The following RREB1 variants were observed in gnomAD, a reference collection of about 807,000 sequenced individuals.
RREB1 encodes the protein ras responsive element binding protein 1, also known as ras-responsive element-binding protein 1.
In RREB1, 27 loss-of-function variants were observed where a neutral mutation model predicts 117.8. The observed-to-expected ratio is 0.23, with a 90% CI of 0.17 to 0.32. RREB1 has a LOEUF of 0.32. Ranked by LOEUF, RREB1 falls within the 10% of genes least tolerant of loss-of-function variation. RREB1 has a pLI of 1.00. For synonymous variants in RREB1, 1,298 were observed against 1,026.7 expected (o/e 1.26, Z -5.05); for missense variants, 2,577 against 2,378.2 (o/e 1.08, Z -1.74).
At chr6:7,151,241 T>TA (rs1174954657) in intron 1 of RREB1, among the ~76,000 whole-genome samples, 1 of 152,192 alleles carries the variant, frequency 6.6e-6, no homozygotes, top group African/African-American at 2.4e-5. Context: ...TTTTACTAGA[T>TA]ATTGTATTAT....
At chr6:7,115,551 G>A (rs1301633375) in intron 1 of RREB1, among the ~76,000 whole-genome samples, 4 of 152,108 alleles carry the variant, frequency 2.6e-5, no homozygotes, top group South Asian at 2.1e-4. Context: ...CTAAACCAGC[G>A]GTTAGTCAGT....
chr6:7,196,218 G>C (rs868109363), intron 6 of RREB1, among the ~76,000 whole-genome samples: 1 of 121,464 alleles, frequency 8.2e-6, no homozygotes, highest in African/African-American at 3.2e-5. Flanking sequence ...TTTTTTTTTC[G>C]TTTTTTTTTT....
chr6:7,173,572 A>G (rs4960290), intron 1 of RREB1, among the ~76,000 whole-genome samples: 151,591 of 152,084 alleles, frequency 1, 75,562 homozygotes, highest in Middle Eastern at 1. Flanking sequence ...TGAGGCGGGT[A>G]GATCACTTGA....
chr6:7,206,846 G>C (rs947874230), intron 6 of RREB1, among the ~76,000 whole-genome samples: 1 of 152,270 alleles, frequency 6.6e-6, no homozygotes, highest in East Asian at 1.9e-4. Flanking sequence ...CCAGAGGCGG[G>C]AACTAGTTGG....
chr6:7,127,029 GC>G (rs1761969110), intron 1 of RREB1, among the ~76,000 whole-genome samples: 2 of 152,202 alleles, frequency 1.3e-5, no homozygotes, highest in South Asian at 4.1e-4. Flanking sequence ...TAGGCAAAAA[GC>G]AGTTTAAGTA....
At chr6:7,205,611 T>C (rs958909802) in intron 6 of RREB1, among the ~76,000 whole-genome samples, 1 of 152,150 alleles carries the variant, frequency 6.6e-6, no homozygotes, top group Admixed American at 6.5e-5. Context: ...CTTCCATGCC[T>C]AAGGAAGGTC....
At chr6:7,220,873 T>A (rs1465260417) in intron 8 of RREB1, among the ~76,000 whole-genome samples, 2 of 152,192 alleles carry the variant, frequency 1.3e-5, no homozygotes, top group Non-Finnish European at 2.9e-5. Context: ...GCTGTGGTCT[T>A]AATGGAGATT....
chr6:7,145,245 C>T (rs549693870), intron 1 of RREB1, among the ~76,000 whole-genome samples: 159 of 152,124 alleles, frequency 1.0e-3, no homozygotes, highest in Non-Finnish European at 1.6e-3. Flanking sequence ...CATGTGTGGT[C>T]GCATGTTTTG....
Position 7,139,584 on chromosome 6 carries a change from A to G in RREB1, c.-285+31524A>G, listed in dbSNP as rs565152705. Among the ~76,000 whole-genome samples, 36 of 152,340 alleles carry G rather than the reference A, an allele frequency of 2.4e-4. No homozygotes were observed. The South Asian group carries it at 7.2e-3, about 31-fold the overall frequency. On this transcript the variant is annotated intron_variant, in intron 1 of 12. Coordinates refer to ENST00000379938, the MANE Select transcript of RREB1 (RefSeq NM_001003699.4). Reference sequence around the variant, plus strand: ...TAACCTATGTGTAGCTATTCAAACAAATAAATATTCGACAATATAACTGAA... The same window carrying G: ...TAACCTATGTGTAGCTATTCAAACAGATAAATATTCGACAATATAACTGAA...
chr6:7,184,431 A>G (rs1581505128), intron 4 of RREB1: 1 of 151,500 alleles, frequency 6.6e-6, no homozygotes, highest in East Asian at 1.9e-4. Context: ...ATTATAAAAA[A>G]AACTTTTTGC....
chr6:7,120,176 C>T (rs1761611703), intron 1 of RREB1, among the ~76,000 whole-genome samples: 1 of 150,992 alleles, frequency 6.6e-6, no homozygotes, highest in East Asian at 2.0e-4. Context: ...CTAGGCCGGG[C>T]GTGGTGGCTC....
intron 6 of RREB1, among the ~76,000 whole-genome samples, chr6:7,197,273 A>G (rs2113578436): frequency 6.6e-6 from 1 of 152,322 alleles, no homozygotes; most frequent in Middle Eastern, 3.4e-3. Flanking sequence ...TATTTTACAG[A>G]CTGTAGACTT....
At position 7,251,128 on chromosome 6, in the gene RREB1, AAT is replaced by A. The variant is rs1769389947; in HGVS notation, c.*2161_*2162del. ...CTACGCTGCGGTGAGATGTAGCAGT[AAT>A]CAGCTCCCAGCGACGTGTGTAGCTG... On this transcript the variant is annotated 3_prime_UTR_variant, in exon 13 of 13. Coordinates refer to ENST00000379938, the MANE Select transcript of RREB1 (RefSeq NM_001003699.4). The A allele has an allele frequency of 6.6e-6, 1 of 152,190 alleles. No homozygotes were observed. The highest frequency in any genetic ancestry group is 1.5e-5 in the Non-Finnish European group (1 of 68,046). The allele number at this position is 152,190 out of a possible 1,614,324, so 9.4% of individuals were successfully genotyped here. A position where few individuals can be genotyped will look rare whatever the true frequency, so the allele number is the denominator to read the frequency against.
chr6:7,230,152 G>T lies in RREB1; in HGVS notation c.2053G>T (p.Ala685Ser). ...CGACTACATCGCCGCCGACAAGGCC[G>T]CGCTCATCCGCCACCTGCGCACGCA... ...ICDYIAADKA[A>S]LIRHLRTHSG... The change falls in exon 10 of 13, where the codon GCG (alanine) becomes TCG (serine). Residue 685 changes from alanine (A) to serine (S), a missense_variant. Coordinates refer to ENST00000379938, the MANE Select transcript of RREB1 (RefSeq NM_001003699.4). 6.2e-7 allele frequency: 1 copy of T among 1,606,304 alleles called. No individual in the cohort carries two copies.
chr6:7,179,351 T>G (rs1383838969), intron 2 of RREB1, among the ~76,000 whole-genome samples: 3 of 152,168 alleles, frequency 2.0e-5, no homozygotes, highest in Non-Finnish European at 4.4e-5. Context: ...CTTGAACTCC[T>G]GGGCTCAAGC....
At chr6:7,209,063 C>T (rs1766434962) in intron 6 of RREB1, among the ~76,000 whole-genome samples, 1 of 152,078 alleles carries the variant, frequency 6.6e-6, no homozygotes, top group Non-Finnish European at 1.5e-5. Flanking sequence ...AAGTGTTGGC[C>T]CCAGTCCCTC....
intron 1 of RREB1, among the ~76,000 whole-genome samples, chr6:7,136,583 T>C (rs1762356547): frequency 1.3e-5 from 2 of 152,170 alleles, no homozygotes; most frequent in Admixed American, 1.3e-4. Flanking sequence ...GCCTGAGACA[T>C]TATTTGAGGA....
intron 6 of RREB1, among the ~76,000 whole-genome samples, chr6:7,201,714 T>A (rs764299279): frequency 5.9e-5 from 9 of 152,180 alleles, no homozygotes. Flanking sequence ...AACCGGAGAT[T>A]CAGTTGCATA....
intron 6 of RREB1, among the ~76,000 whole-genome samples, chr6:7,209,136 A>G (rs905405239): frequency 2.0e-5 from 3 of 152,216 alleles, no homozygotes; most frequent in African/African-American, 7.2e-5. Context: ...TTGTATTTCT[A>G]TAAATATTGT....
Sources: allele counts gnomAD v4.1 joint callset (sites outside exome capture counted in the v4.1 genomes callset), GRCh38; gene constraint gnomAD v4.1.1; transcripts MANE v1.5; gene names NCBI Gene and HGNC (gene_info 2026-07-23, HGNC 2026-07-21).